The following DACH2 variants were observed in gnomAD, a reference collection of about 807,000 sequenced individuals.
DACH2 encodes the protein dachshund homolog 2.
Under a neutral mutation model 35.8 loss-of-function variants are expected in DACH2, and 17 were observed. The ratio of observed to expected loss-of-function variants is 0.48; its 90% CI spans 0.33 to 0.71. The LOEUF (loss-of-function observed/expected upper bound fraction) is 0.71. Among genes scored for constraint, DACH2 ranks in the 30% least tolerant of loss-of-function variants. The probability of loss-of-function intolerance (pLI) is 0.02; values close to 1 mark genes in which losing one functional copy is unlikely to be tolerated. For missense variants in DACH2, 469 were observed against 472.7 expected (o/e 0.99, Z 0.07); for synonymous variants, 195 against 177.3 (o/e 1.10, Z -0.79).
chrX:86,368,515 G>A (rs904773687), intron 1 of DACH2, among the ~76,000 whole-genome samples: 4 of 108,842 alleles, frequency 3.7e-5, no homozygotes, highest in African/African-American at 1.3e-4. Flanking sequence ...TTATAAGCAT[G>A]TTTGAAGAGC....
chrX:86,220,848 T>C (rs1276770089), intron 1 of DACH2, among the ~76,000 whole-genome samples: 2 of 112,304 alleles, frequency 1.8e-5, no homozygotes, highest in Non-Finnish European at 3.8e-5. Context: ...TGTATAAGGA[T>C]TACAATTTCT....
chrX:86,172,442 G>A (rs7065133), intron 1 of DACH2, among the ~76,000 whole-genome samples: 13,454 of 111,455 alleles, frequency 0.12, 1,986 homozygotes, highest in African/African-American at 0.42. Flanking sequence ...GCTGCAAGGT[G>A]TATTCACACA....
chrX:86,323,384 G>C (rs933708668), intron 1 of DACH2, among the ~76,000 whole-genome samples: 4 of 111,706 alleles, frequency 3.6e-5, no homozygotes, highest in Non-Finnish European at 7.5e-5. Context: ...GAGTTAAATA[G>C]TCTTTGAGAT....
rs189094591 is a variant in DACH2, at chrX:86,236,411, G to A, written c.488+87303G>A. 2.7e-3 allele frequency among the ~76,000 whole-genome samples: 301 copies of A among 112,030 alleles called. 1 individual carries two copies. The highest frequency in any genetic ancestry group is 9.5e-3 in the African/African-American group (294 of 30,904). On this transcript the variant is annotated intron_variant, in intron 1 of 11. Transcript: ENST00000373125. ...CAAAATTGTTAACACAAGCCCATAC[G>A]TTATATATTTAATATACAGTCATGC...
intron 3 of DACH2, among the ~76,000 whole-genome samples, chrX:86,531,705 G>A (rs925747673): frequency 3.5e-5 from 4 of 112,710 alleles, no homozygotes; most frequent in African/African-American, 1.3e-4. Context: ...AATGCAGAGG[G>A]AAAATGTGGA....
At chrX:86,710,158 A>G (rs1016566192) in intron 5 of DACH2, among the ~76,000 whole-genome samples, 1 of 112,569 alleles carries the variant, frequency 8.9e-6, no homozygotes, top group Non-Finnish European at 1.9e-5. Flanking sequence ...TGTGGTATAT[A>G]TGTACTATGG....
rs141807471 is a variant in DACH2 at position 86,311,107 on chromosome X, G to T, written c.489-65717G>T. ...CCTTTGGGTAATCAGCCAGCTACCT[G>T]GTGGCAGATTAATTATATTGGACCT... On this transcript the variant is annotated intron_variant, in intron 1 of 11. Coordinates refer to ENST00000373125, the MANE Select transcript of DACH2 (RefSeq NM_053281.3). Among the ~76,000 whole-genome samples the T allele has an allele frequency of 2.7e-5, 3 of 111,787 alleles. No individual in the cohort carries two copies. The Admixed American group carries it at 2.8e-4, about 11-fold the overall frequency.
Position 86,315,349 on chromosome X carries a change from CAA to C in DACH2, c.489-61473_489-61472del, listed in dbSNP as rs940250581. Among the ~76,000 whole-genome samples the C allele has an allele frequency of 1.8e-4, 20 of 112,084 alleles. 1 individual carries two copies. The highest frequency in any genetic ancestry group is 3.6e-4 in the African/African-American group (11 of 30,825). On this transcript the variant is annotated intron_variant, in intron 1 of 11. Coordinates refer to ENST00000373125, the MANE Select transcript of DACH2 (RefSeq NM_053281.3). ...CTTTCAATATATTACTGTTCATTGA[CAA>C]AGCATCTGGTCACCCAAGAGCCGTG... is the stretch of plus-strand genomic sequence containing the variant.
At chrX:86,444,141 A>G (rs2037218804) in intron 2 of DACH2, among the ~76,000 whole-genome samples, 1 of 111,805 alleles carries the variant, frequency 8.9e-6, no homozygotes, top group African/African-American at 3.3e-5. Context: ...CCCAGGCTGG[A>G]ATGCAGTAGT....
chrX:86,771,479 G>A (rs1272485498), intron 7 of DACH2, among the ~76,000 whole-genome samples: 1 of 112,190 alleles, frequency 8.9e-6, no homozygotes, highest in Non-Finnish European at 1.9e-5. Context: ...TGAAAGATGA[G>A]TTTGAAGTTA....
intron 3 of DACH2, among the ~76,000 whole-genome samples, chrX:86,575,040 G>A (rs148252031): frequency 0.089 from 9,833 of 110,919 alleles, 1,093 homozygotes; most frequent in African/African-American, 0.31. Context: ...TGAGAGATGG[G>A]TGAAAAATAT....
At chrX:86,487,640 G>T (rs1052868784) in intron 2 of DACH2, among the ~76,000 whole-genome samples, 5 of 50,868 alleles carry the variant, frequency 9.8e-5, no homozygotes, top group Non-Finnish European at 2.0e-4. Flanking sequence ...CAAAACACTT[G>T]ATGAGATTTT....
At position 86,575,995 on chromosome X, in the gene DACH2, A is replaced by G. The variant is rs756953812; in HGVS notation, c.640+61604A>G. On this transcript the variant is annotated intron_variant, in intron 3 of 11. Transcript: ENST00000373125. The stretch of plus-strand genomic sequence containing the variant: ...GCACAGTGAACCTGCAAGATGTTAC[A>G]TTTTGAAGTCTAATTTTCAAAAGAA... Among the ~76,000 whole-genome samples, 20 of 112,538 alleles carry G rather than the reference A, an allele frequency of 1.8e-4. No homozygotes were observed. In the East Asian group the frequency reaches 5.6e-3, roughly 32 times the overall value.
intron 3 of DACH2, among the ~76,000 whole-genome samples, chrX:86,605,160 T>C (rs1003166919): frequency 8.9e-6 from 1 of 112,024 alleles, no homozygotes; most frequent in Non-Finnish European, 1.9e-5. Context: ...CTGTTCCAAT[T>C]TGTTACATCA....
At chrX:86,684,024 C>CT (rs749860694) in intron 4 of DACH2, among the ~76,000 whole-genome samples, 1 of 111,277 alleles carries the variant, frequency 9.0e-6, no homozygotes, top group African/African-American at 3.3e-5. Flanking sequence ...CTATCTGCCA[C>CT]TTTCATAGAA....
chrX:86,667,858 G>A (rs2148422073), intron 4 of DACH2, among the ~76,000 whole-genome samples: 1 of 111,783 alleles, frequency 8.9e-6, no homozygotes, highest in Non-Finnish European at 1.9e-5. Context: ...AGTTCTGTTT[G>A]GACTACTTGA....
At chrX:86,496,356 C>A (rs1013552583) in intron 2 of DACH2, among the ~76,000 whole-genome samples, 2 of 110,431 alleles carry the variant, frequency 1.8e-5, no homozygotes, top group African/African-American at 6.6e-5. Context: ...AGATTCAGAT[C>A]ATCTTACATT....
intron 4 of DACH2, among the ~76,000 whole-genome samples, chrX:86,680,710 G>C (rs770808650): frequency 9.8e-6 from 1 of 102,051 alleles, no homozygotes; most frequent in South Asian, 4.7e-4. Flanking sequence ...CTGGAGTGCA[G>C]TGGTGAGATC....
chrX:86,739,271 T>C (rs1015359594), intron 6 of DACH2, among the ~76,000 whole-genome samples: 3 of 111,744 alleles, frequency 2.7e-5, no homozygotes, highest in African/African-American at 9.8e-5. Context: ...ATAAATTTTA[T>C]CCATGCAGAA....
Sources: allele counts gnomAD v4.1 joint callset (sites outside exome capture counted in the v4.1 genomes callset), GRCh38; gene constraint gnomAD v4.1.1; transcripts MANE v1.5; gene names NCBI Gene and HGNC (gene_info 2026-07-23, HGNC 2026-07-21).